The following PDGFD variants were observed in gnomAD, a reference collection of about 807,000 sequenced individuals.
The protein encoded by PDGFD is platelet derived growth factor D, also known as platelet-derived growth factor D.
In PDGFD, 30 loss-of-function variants were observed where a neutral mutation model predicts 44.7. The observed-to-expected ratio is 0.67, with a 90% CI of 0.50 to 0.91. The LOEUF (loss-of-function observed/expected upper bound fraction) is 0.91. Ranked by LOEUF, PDGFD falls within the 40% of genes least tolerant of loss-of-function variation. PDGFD has a pLI of 0.00. For synonymous variants in PDGFD, 173 were observed against 168.4 expected (o/e 1.03, Z -0.21); for missense variants, 445 against 457.8 (o/e 0.97, Z 0.25).
At chr11:104,136,191 G>A (rs529989308) in intron 1 of PDGFD, among the ~76,000 whole-genome samples, 90 of 152,172 alleles carry the variant, frequency 5.9e-4, no homozygotes, top group Non-Finnish European at 1.2e-3. Flanking sequence ...ATAATATTGT[G>A]TCTATGACTT....
intron 5 of PDGFD, among the ~76,000 whole-genome samples, chr11:103,933,706 T>C (rs1042866766): frequency 2.0e-5 from 3 of 152,224 alleles, no homozygotes; most frequent in Non-Finnish European, 2.9e-5. Context: ...TCAAATTTCA[T>C]TTAATTCTCA....
At chr11:104,153,481 A>G (rs1381629515) in intron 1 of PDGFD, among the ~76,000 whole-genome samples, 3 of 152,196 alleles carry the variant, frequency 2.0e-5, no homozygotes, top group Admixed American at 6.5e-5. Flanking sequence ...ATAAAGGAGT[A>G]GCAAAATTTA....
chr11:103,940,702 G>C (rs1170562991), intron 5 of PDGFD, among the ~76,000 whole-genome samples: 2 of 152,102 alleles, frequency 1.3e-5, no homozygotes, highest in East Asian at 3.8e-4. Flanking sequence ...AGCATCAATG[G>C]AATGATAAAT....
chr11:104,019,614 T>C (rs1309767362), intron 1 of PDGFD, among the ~76,000 whole-genome samples: 1 of 152,182 alleles, frequency 6.6e-6, no homozygotes, highest in Non-Finnish European at 1.5e-5. Flanking sequence ...ATCAAACATT[T>C]AATTCTGAGC....
In PDGFD at chr11:103,949,851, T is replaced by C. The variant is rs531599743; in HGVS notation, c.511-2127A>G. On this transcript the variant is annotated intron_variant, in intron 3 of 6. Transcript: ENST00000393158. The stretch of plus-strand genomic sequence containing the variant: ...AAATTTCACATAGGAAGCTGATTTG[T>C]TAGTAGAGTCTTGGAAGATAAATAG... 2.0e-5 allele frequency among the ~76,000 whole-genome samples: 3 copies of C among 152,216 alleles called. No homozygotes were observed. In the South Asian group the frequency reaches 6.2e-4, roughly 32 times the overall value.
intron 1 of PDGFD, among the ~76,000 whole-genome samples, chr11:104,143,924 A>T (rs1862122285): frequency 6.6e-6 from 1 of 152,188 alleles, no homozygotes. Flanking sequence ...CTGGTTTGTT[A>T]TTTGCATACA....
intron 1 of PDGFD, among the ~76,000 whole-genome samples, chr11:104,071,916 A>G (rs1257396041): frequency 1.1e-4 from 16 of 151,436 alleles, no homozygotes; most frequent in Non-Finnish European, 5.9e-5. Context: ...CTATTTCTAG[A>G]CTTTCTATTC....
chr11:103,934,209 G>A (rs1858452207), intron 5 of PDGFD, among the ~76,000 whole-genome samples: 1 of 152,158 alleles, frequency 6.6e-6, no homozygotes, highest in South Asian at 2.1e-4. Context: ...CTCCTGCCAA[G>A]GAACTTGTTA....
chr11:104,083,417 A>G lies in PDGFD; in HGVS notation c.124+80387T>C, dbSNP rs116296697. ...TGAAGTTTTCTGAGGACATCATAAG[A>G]AATGACACATTCCACAATAGGAGGA... On this transcript the variant is annotated intron_variant, in intron 1 of 6. Transcript: ENST00000393158. Among the ~76,000 whole-genome samples the G allele has an allele frequency of 2.3e-3, 348 of 152,334 alleles. 5 individuals are homozygous for G. The highest frequency in any genetic ancestry group is 8.0e-3 in the African/African-American group (334 of 41,590).
At chr11:104,072,491 G>C (rs1452077009) in intron 1 of PDGFD, among the ~76,000 whole-genome samples, 1 of 151,608 alleles carries the variant, frequency 6.6e-6, no homozygotes, top group Non-Finnish European at 1.5e-5. Context: ...CTTCTGTAAG[G>C]TTTTTCGGGT....
intron 1 of PDGFD, among the ~76,000 whole-genome samples, chr11:104,021,184 G>C (rs1305301096): frequency 6.6e-6 from 1 of 152,150 alleles, no homozygotes; most frequent in Non-Finnish European, 1.5e-5. Context: ...CGGAAAACTA[G>C]GAATGGATTG....
chr11:104,034,388 T>C (rs1437132556), intron 1 of PDGFD, among the ~76,000 whole-genome samples: 4 of 152,166 alleles, frequency 2.6e-5, no homozygotes, highest in Non-Finnish European at 1.5e-5. Flanking sequence ...AACATTATGA[T>C]AATTAGAGCA....
intron 1 of PDGFD, among the ~76,000 whole-genome samples, chr11:104,145,547 T>C (rs1306449359): frequency 6.6e-6 from 1 of 152,222 alleles, no homozygotes; most frequent in Non-Finnish European, 1.5e-5. Flanking sequence ...GTTACATCCA[T>C]AATTTATCTA....
chr11:103,977,913 A>G (rs1341526273), intron 3 of PDGFD, among the ~76,000 whole-genome samples: 3 of 152,022 alleles, frequency 2.0e-5, no homozygotes, highest in Admixed American at 6.6e-5. Context: ...GTGGTGAGGA[A>G]CCAGTAAAGT....
At chr11:104,102,873 A>G (rs1015961964) in intron 1 of PDGFD, among the ~76,000 whole-genome samples, 1 of 152,222 alleles carries the variant, frequency 6.6e-6, no homozygotes, top group Non-Finnish European at 1.5e-5. Context: ...GTGAGAAATG[A>G]ACAATGAGAA....
At chr11:104,158,408 A>T (rs1221490510) in intron 1 of PDGFD, among the ~76,000 whole-genome samples, 1 of 152,206 alleles carries the variant, frequency 6.6e-6, no homozygotes, top group Non-Finnish European at 1.5e-5. Context: ...AATGGAACTG[A>T]CAATTGTTTG....
At chr11:103,968,008 T>C (rs1859047159) in intron 3 of PDGFD, among the ~76,000 whole-genome samples, 1 of 152,152 alleles carries the variant, frequency 6.6e-6, no homozygotes. Flanking sequence ...TACTAATATT[T>C]GTAATAGCCT....
chr11:103,980,334 C>T (rs1859249647), intron 3 of PDGFD, among the ~76,000 whole-genome samples: 2 of 151,970 alleles, frequency 1.3e-5, no homozygotes, highest in South Asian at 4.1e-4. Flanking sequence ...GAAATGAAGG[C>T]CTTTCTGTAG....
intron 1 of PDGFD, among the ~76,000 whole-genome samples, chr11:104,083,910 G>A (rs1407582088): frequency 6.6e-6 from 1 of 152,126 alleles, no homozygotes; most frequent in Admixed American, 6.6e-5. Context: ...CAATACAAAA[G>A]TATATTGTCA....
Sources: allele counts gnomAD v4.1 joint callset (sites outside exome capture counted in the v4.1 genomes callset), GRCh38; gene constraint gnomAD v4.1.1; transcripts MANE v1.5; gene names NCBI Gene and HGNC (gene_info 2026-07-23, HGNC 2026-07-21).